COG5: variants seen among roughly 807,000 people sequenced by gnomAD.
COG5 encodes conserved oligomeric Golgi complex subunit 5.
A neutral mutation model predicts 110.4 loss-of-function variants in COG5; 86 were observed. The observed-to-expected ratio is 0.78, with a 90% CI of 0.65 to 0.93. The LOEUF is 0.93. Ranked by LOEUF, COG5 falls within the 40% of genes least tolerant of loss-of-function variation. COG5 has a pLI of 0.00. For synonymous variants in COG5, 360 were observed against 334.6 expected (o/e 1.08, Z -0.83); for missense variants, 1,077 against 987.0 (o/e 1.09, Z -1.22).
chr7:107,261,998 C>A (rs563079041), intron 14 of COG5, among the ~76,000 whole-genome samples: 1 of 151,472 alleles, frequency 6.6e-6, no homozygotes, highest in African/African-American at 2.4e-5. Context: ...TCAAGTGATT[C>A]TTGTGCCTCA....
intron 6 of COG5, among the ~76,000 whole-genome samples, chr7:107,465,255 T>C (rs1401272892): frequency 1.3e-5 from 2 of 152,206 alleles, no homozygotes; most frequent in African/African-American, 2.4e-5. Flanking sequence ...AAGACTAATA[T>C]ATGAATTTAG....
intron 3 of COG5, 152 bp from the exon 4 acceptor site, chr7:107,548,484 C>T (rs1304586349): frequency 2.8e-6 from 2 of 717,772 alleles, no homozygotes; most frequent in East Asian, 5.4e-5. Context: ...ACCCACACTG[C>T]TGTAAAAGCC....
chr7:107,534,665 T>TA (rs1801452690), intron 5 of COG5, among the ~76,000 whole-genome samples: 1 of 150,954 alleles, frequency 6.6e-6, no homozygotes, highest in Non-Finnish European at 1.5e-5. Context: ...CCCAGATTCA[T>TA]AACCAAGTTC....
intron 10 of COG5, among the ~76,000 whole-genome samples, chr7:107,341,160 C>T (rs1811140177): frequency 6.6e-6 from 1 of 152,032 alleles, no homozygotes; most frequent in Non-Finnish European, 1.5e-5. Context: ...CAGGAACTGA[C>T]AAGTGATTAT....
At chr7:107,393,095 C>T (rs1584766550) in intron 7 of COG5, among the ~76,000 whole-genome samples, 2 of 152,184 alleles carry the variant, frequency 1.3e-5, no homozygotes, top group Non-Finnish European at 2.9e-5. Context: ...AATTTTATTA[C>T]AGTTTAGGTC....
rs1798475649 is a variant in COG5, at chr7:107,203,108, A to T, written c.*408T>A. The T allele has an allele frequency of 5.3e-6, 1 of 188,020 alleles. No individual in the cohort carries two copies. Among genetic ancestry groups the T allele is most frequent in the Non-Finnish European group, 1.1e-5 (1 of 89,180 alleles). 11.6% of individuals were successfully genotyped at this position (188,020 alleles called of 1,614,324 possible). ...TATGAATGTGCAGCCAAATTTGGAA[A>T]CCACTGAGCTACATGCTTATTTAGT... On this transcript the variant is annotated 3_prime_UTR_variant, in exon 22 of 22. Coordinates refer to ENST00000297135, the MANE Select transcript of COG5 (RefSeq NM_006348.5).
chr7:107,545,854 A>T (rs1228571771), intron 5 of COG5, among the ~76,000 whole-genome samples: 1 of 152,056 alleles, frequency 6.6e-6, no homozygotes, highest in African/African-American at 2.4e-5. Context: ...ACAGACTTTA[A>T]CTACACTCTA....
chr7:107,553,518 G>T (rs929982462), intron 3 of COG5, among the ~76,000 whole-genome samples: 1 of 152,016 alleles, frequency 6.6e-6, no homozygotes, highest in African/African-American at 2.4e-5. Flanking sequence ...TTAAGAATTT[G>T]ATCAACATCG....
At chr7:107,390,229 C>G (rs552253785) in intron 7 of COG5, among the ~76,000 whole-genome samples, 9 of 152,212 alleles carry the variant, frequency 5.9e-5, no homozygotes, top group African/African-American at 2.2e-4. Context: ...TTTATAGTCT[C>G]AGCCATAATC....
At chr7:107,430,783 T>C (rs1362502292) in intron 6 of COG5, among the ~76,000 whole-genome samples, 1 of 152,186 alleles carries the variant, frequency 6.6e-6, no homozygotes, top group Non-Finnish European at 1.5e-5. Context: ...AATGCTACCT[T>C]ACATGCTAAA....
intron 6 of COG5, among the ~76,000 whole-genome samples, chr7:107,440,596 G>A (rs1013506983): frequency 2.6e-5 from 4 of 152,140 alleles, no homozygotes; most frequent in Non-Finnish European, 5.9e-5. Flanking sequence ...ATCAATGCAT[G>A]ATTAGAGGAT....
intron 7 of COG5, among the ~76,000 whole-genome samples, chr7:107,379,504 G>T (rs1284450983): frequency 6.6e-6 from 1 of 151,768 alleles, no homozygotes; most frequent in Non-Finnish European, 1.5e-5. Flanking sequence ...AAGACCCATT[G>T]GTGGGCTATA....
At chr7:107,265,392 C>A (rs1803715352) in intron 14 of COG5, among the ~76,000 whole-genome samples, 1 of 152,140 alleles carries the variant, frequency 6.6e-6, no homozygotes, top group Admixed American at 6.5e-5. Flanking sequence ...ATCCTCCCAT[C>A]TCAGCTTCCC....
intron 6 of COG5, among the ~76,000 whole-genome samples, chr7:107,479,770 G>C (rs1051340204): frequency 2.0e-4 from 31 of 152,110 alleles, no homozygotes; most frequent in African/African-American, 7.2e-4. Context: ...CTAGTTATTA[G>C]AAGCTATTCA....
At chr7:107,296,634 G>C (rs917328942) in intron 12 of COG5, among the ~76,000 whole-genome samples, 1 of 146,730 alleles carries the variant, frequency 6.8e-6, no homozygotes, top group Non-Finnish European at 1.5e-5. Flanking sequence ...ATGCTGCCCA[G>C]GCTGGCCTCT....
At chr7:107,508,000 T>C (rs182029616) in intron 6 of COG5, among the ~76,000 whole-genome samples, 1 of 152,314 alleles carries the variant, frequency 6.6e-6, no homozygotes, top group Non-Finnish European at 1.5e-5. Flanking sequence ...GGTATCGCGT[T>C]CATCTCACTA....
chr7:107,433,047 C>A (rs1317453956), intron 6 of COG5, among the ~76,000 whole-genome samples: 1 of 151,950 alleles, frequency 6.6e-6, no homozygotes, highest in Admixed American at 6.6e-5. Context: ...AGTGAACAAT[C>A]CAAAGAGGAA....
chr7:107,398,745 G>A (rs1166167818), intron 7 of COG5, among the ~76,000 whole-genome samples: 1 of 152,062 alleles, frequency 6.6e-6, no homozygotes, highest in African/African-American at 2.4e-5. Context: ...AAAATTTTCA[G>A]AAAAAAACTA....
intron 14 of COG5, among the ~76,000 whole-genome samples, chr7:107,279,315 G>A (rs184604673): frequency 6.6e-6 from 1 of 152,146 alleles, no homozygotes; most frequent in African/African-American, 2.4e-5. Flanking sequence ...TTAATCTTGT[G>A]GACTGGAAGC....
Sources: allele counts gnomAD v4.1 joint callset (sites outside exome capture counted in the v4.1 genomes callset), GRCh38; gene constraint gnomAD v4.1.1; transcripts MANE v1.5; gene names NCBI Gene and HGNC (gene_info 2026-07-23, HGNC 2026-07-21).